The following PPP3CA variants were observed in gnomAD, a reference collection of about 807,000 sequenced individuals.
PPP3CA encodes the protein CAM-PRP catalytic subunit.
Under a neutral mutation model 66.5 loss-of-function variants are expected in PPP3CA, and 14 were observed. The ratio of observed to expected loss-of-function variants is 0.21; its 90% CI spans 0.14 to 0.33. The LOEUF (loss-of-function observed/expected upper bound fraction) is 0.33, where lower values mean the gene tolerates loss of function less well. Among genes scored for constraint, PPP3CA ranks in the 10% least tolerant of loss-of-function variants. The pLI is 1.00. For synonymous variants in PPP3CA, 232 were observed against 226.2 expected (o/e 1.03, Z -0.23); for missense variants, 317 against 639.5 (o/e 0.50, Z 5.44).
intron 11 of PPP3CA, among the ~76,000 whole-genome samples, chr4:101,033,090 C>A (rs1727059837): frequency 2.6e-5 from 4 of 151,926 alleles, no homozygotes. Context: ...TTACTTGACA[C>A]TATTAATCAT....
chr4:101,041,738 T>A (rs1727533303), intron 10 of PPP3CA, among the ~76,000 whole-genome samples: 1 of 152,058 alleles, frequency 6.6e-6, no homozygotes, highest in African/African-American at 2.4e-5. Flanking sequence ...CTGGTCAAGA[T>A]TTTTATAATC....
intron 1 of PPP3CA, among the ~76,000 whole-genome samples, chr4:101,225,815 C>T (rs377763647): frequency 1.4e-4 from 21 of 151,856 alleles, no homozygotes; most frequent in African/African-American, 5.1e-4. Flanking sequence ...AGATTTAATA[C>T]TGGCTACTTT....
rs149942112 is a variant in PPP3CA, at chr4:101,152,651, T to C, written c.259+43265A>G. The stretch of plus-strand genomic sequence containing the variant: ...CAGATTTCTCTATCATGCCATTAAG[T>C]CCTTGTACAACTCTTTCTCCTTATC... On this transcript the variant is annotated intron_variant, in intron 2 of 13. Transcript: ENST00000394854. 6.6e-5 allele frequency among the ~76,000 whole-genome samples: 10 copies of C among 152,318 alleles called. No homozygotes were observed. The East Asian group carries it at 1.7e-3, about 26-fold the overall frequency.
intron 1 of PPP3CA, among the ~76,000 whole-genome samples, chr4:101,304,131 A>G (rs995165189): frequency 1.3e-5 from 2 of 152,130 alleles, no homozygotes; most frequent in African/African-American, 4.8e-5. Context: ...TGCATTATCA[A>G]TCAAAGTTTC....
At chr4:101,275,989 A>G (rs1318853643) in intron 1 of PPP3CA, among the ~76,000 whole-genome samples, 1 of 151,140 alleles carries the variant, frequency 6.6e-6, no homozygotes, top group African/African-American at 2.4e-5. Context: ...AGAACTCGAG[A>G]TCCCAAGAAA....
At chr4:101,118,410 T>C (rs761549575) in intron 2 of PPP3CA, among the ~76,000 whole-genome samples, 4 of 152,056 alleles carry the variant, frequency 2.6e-5, no homozygotes, top group Admixed American at 6.6e-5. Flanking sequence ...GAAACCAGAA[T>C]TATAAATTAA....
chr4:101,273,808 C>T (rs1727407328), intron 1 of PPP3CA, among the ~76,000 whole-genome samples: 1 of 152,014 alleles, frequency 6.6e-6, no homozygotes, highest in East Asian at 1.9e-4. Context: ...GTGACACCTC[C>T]TCTACAGAAG....
chr4:101,098,282 C>T, intron 5 of PPP3CA, 85 bp downstream of exon 5: 2 of 1,362,956 alleles, frequency 1.5e-6, no homozygotes, highest in Non-Finnish European at 2.0e-6. Context: ...AGAATAAAGT[C>T]AGTGATAAAG....
intron 1 of PPP3CA, among the ~76,000 whole-genome samples, chr4:101,249,781 T>A (rs1270415054): frequency 6.6e-6 from 1 of 152,192 alleles, no homozygotes; most frequent in African/African-American, 2.4e-5. Flanking sequence ...CACTATAATG[T>A]ATTATATCAT....
intron 3 of PPP3CA, among the ~76,000 whole-genome samples, chr4:101,108,498 G>T (rs1721521792): frequency 6.6e-6 from 1 of 152,198 alleles, no homozygotes; most frequent in Non-Finnish European, 1.5e-5. Flanking sequence ...GGGCATGGTG[G>T]CTCACGCCTG....
chr4:101,113,578 T>C (rs1721746812), intron 2 of PPP3CA, among the ~76,000 whole-genome samples: 1 of 152,152 alleles, frequency 6.6e-6, no homozygotes, highest in Non-Finnish European at 1.5e-5. Context: ...TATTTCATTG[T>C]ATTTATTGCT....
At chr4:101,089,063 C>T (rs1729797848) in intron 6 of PPP3CA, among the ~76,000 whole-genome samples, 1 of 152,062 alleles carries the variant, frequency 6.6e-6, no homozygotes, top group Non-Finnish European at 1.5e-5. Context: ...AAAATGGAAT[C>T]CCTAGAAAAG....
chr4:101,101,586 T>A (rs922793766), intron 3 of PPP3CA, among the ~76,000 whole-genome samples: 20 of 152,274 alleles, frequency 1.3e-4, no homozygotes, highest in Middle Eastern at 3.4e-3. Context: ...ATTTATATGC[T>A]GGGGGAGAGA....
intron 2 of PPP3CA, among the ~76,000 whole-genome samples, chr4:101,149,785 C>G (rs1723080589): frequency 1.3e-5 from 2 of 152,152 alleles, no homozygotes; most frequent in South Asian, 4.1e-4. Context: ...CTCAAGATTT[C>G]AGCTATCTCA....
chr4:101,303,720 ACT>A (rs1459914558), intron 1 of PPP3CA, among the ~76,000 whole-genome samples: 2 of 152,166 alleles, frequency 1.3e-5, no homozygotes, highest in Non-Finnish European at 2.9e-5. Flanking sequence ...GGATAGGATC[ACT>A]GAGACAAAAA....
At chr4:101,128,047 A>C (rs1246541332) in intron 2 of PPP3CA, among the ~76,000 whole-genome samples, 1 of 152,170 alleles carries the variant, frequency 6.6e-6, no homozygotes, top group Non-Finnish European at 1.5e-5. Context: ...TGCCATCATA[A>C]GCCCCTGAGT....
chr4:101,100,278 A>T (rs1335960695), intron 3 of PPP3CA, among the ~76,000 whole-genome samples: 1 of 152,084 alleles, frequency 6.6e-6, no homozygotes, highest in Non-Finnish European at 1.5e-5. Flanking sequence ...ACGCAGTTCA[A>T]GTTAGGCTGA....
At chr4:101,242,536 TAA>T (rs548222805) in intron 1 of PPP3CA, among the ~76,000 whole-genome samples, 13 of 151,070 alleles carry the variant, frequency 8.6e-5, no homozygotes, top group African/African-American at 2.4e-4. Context: ...TTGGTTTAAA[TAA>T]AAAAAAAGAG....
At chr4:101,330,651 T>A (rs1269975129) in intron 1 of PPP3CA, among the ~76,000 whole-genome samples, 4 of 152,148 alleles carry the variant, frequency 2.6e-5, no homozygotes, top group Admixed American at 6.6e-5. Context: ...ATTGTGGCAG[T>A]CTGGAATATC....
Sources: allele counts gnomAD v4.1 joint callset (sites outside exome capture counted in the v4.1 genomes callset), GRCh38; gene constraint gnomAD v4.1.1; transcripts MANE v1.5; gene names NCBI Gene and HGNC (gene_info 2026-07-23, HGNC 2026-07-21).